The following JAM3 variants were observed in gnomAD, a reference collection of about 807,000 sequenced individuals.
JAM3 encodes junctional adhesion molecule C.
In JAM3, 31 loss-of-function variants were observed where a neutral mutation model predicts 39.4. The observed-to-expected ratio is 0.79, with a 90% CI of 0.59 to 1.06. The LOEUF is 1.06. JAM3 is among the 50% of genes least tolerant of loss of function. JAM3 has a pLI of 0.00. For synonymous variants in JAM3, 182 were observed against 148.7 expected (o/e 1.22, Z -1.63); for missense variants, 455 against 391.4 (o/e 1.16, Z -1.37).
chr11:134,138,356 G>A (rs1329501862), intron 1 of JAM3, among the ~76,000 whole-genome samples: 1 of 145,856 alleles, frequency 6.9e-6, no homozygotes, highest in African/African-American at 2.7e-5. Flanking sequence ...TGAGAGAAAT[G>A]TTTATGGCCA....
intron 1 of JAM3, among the ~76,000 whole-genome samples, chr11:134,121,566 C>G (rs1942532691): frequency 6.6e-6 from 1 of 151,944 alleles, no homozygotes; most frequent in African/African-American, 2.4e-5. Context: ...CCTTTCAAAT[C>G]ATTCTGACAT....
At chr11:134,100,923 G>A (rs1296660161) in intron 1 of JAM3, among the ~76,000 whole-genome samples, 1 of 152,164 alleles carries the variant, frequency 6.6e-6, no homozygotes, top group South Asian at 2.1e-4. Context: ...GAGTAAAAAA[G>A]TGAATGAAGT....
chr11:134,150,913 C>G lies in JAM3; in HGVS notation c.*1732C>G, dbSNP rs570589863. On this transcript the variant is annotated 3_prime_UTR_variant, in exon 9 of 9. Coordinates refer to ENST00000299106, the MANE Select transcript of JAM3 (RefSeq NM_032801.5). ...GGGGAGGAAAGTGAAACGCCTGAAT[C>G]AAAAGCAGTTTTCTAATTTTGACTT... 1.3e-5 allele frequency: 2 copies of G among 152,312 alleles called. No individual in the cohort carries two copies. Among genetic ancestry groups the G allele is most frequent in the Admixed American group, 6.5e-5 (1 of 15,302 alleles). The allele number at this position is 152,312 out of a possible 1,614,324, so 9.4% of individuals were successfully genotyped here. A position where few individuals can be genotyped will look rare whatever the true frequency, so the allele number is the denominator to read the frequency against.
intron 1 of JAM3, among the ~76,000 whole-genome samples, chr11:134,076,731 C>T (rs574223144): frequency 4.0e-5 from 6 of 151,776 alleles, no homozygotes; most frequent in Non-Finnish European, 7.4e-5. Flanking sequence ...TTTTTAGAGA[C>T]GAGGTCTCAC....
At chr11:134,106,192 A>C (rs1326734822) in intron 1 of JAM3, among the ~76,000 whole-genome samples, 4 of 152,134 alleles carry the variant, frequency 2.6e-5, no homozygotes, top group Non-Finnish European at 5.9e-5. Flanking sequence ...AAATAATACC[A>C]CACATCTACA....
intron 1 of JAM3, among the ~76,000 whole-genome samples, chr11:134,134,467 T>C (rs1027743501): frequency 1.4e-4 from 12 of 83,844 alleles, no homozygotes; most frequent in African/African-American, 5.6e-4. Flanking sequence ...CAAAGATAAA[T>C]AAAACATAAG....
intron 1 of JAM3, among the ~76,000 whole-genome samples, chr11:134,095,742 A>G (rs933230982): frequency 6.6e-6 from 1 of 152,214 alleles, no homozygotes; most frequent in Non-Finnish European, 1.5e-5. Context: ...GTGTGCTGTT[A>G]ACTTGCTACA....
chr11:134,113,198 G>T (rs1383428511), intron 1 of JAM3, among the ~76,000 whole-genome samples: 1 of 129,990 alleles, frequency 7.7e-6, no homozygotes, highest in Non-Finnish European at 1.6e-5. Flanking sequence ...TGGACTGTCT[G>T]GTTTTTTTTT....
chr11:134,095,374 A>G (rs555241653), intron 1 of JAM3, among the ~76,000 whole-genome samples: 10 of 152,246 alleles, frequency 6.6e-5, no homozygotes, highest in African/African-American at 2.2e-4. Flanking sequence ...GCTCACGCCT[A>G]TAATCCCAGC....
chr11:134,124,048 C>A (rs767867939), intron 1 of JAM3: 158 of 1,442,244 alleles, frequency 1.1e-4, no homozygotes, highest in Non-Finnish European at 1.4e-4. Context: ...ACACAGCCAC[C>A]TGGCTCTTCA....
Position 134,123,688 on chromosome 11 carries a change from C to G in JAM3, c.77-16163C>G, listed in dbSNP as rs1447149713. ...CTTTTTTGTTTGCTTTTGTTCCAAT[C>G]ATGAGGAGAGTGGTTGAGGAGTAGT... On this transcript the variant is annotated intron_variant, in intron 1 of 8. Transcript: ENST00000299106. 9.1e-6 allele frequency: 4 copies of G among 439,118 alleles called. No individual in the cohort carries two copies. The East Asian group carries it at 1.7e-4, about 19-fold the overall frequency. 27.2% of individuals were successfully genotyped at this position (439,118 alleles called of 1,614,324 possible).
In JAM3 at chr11:134,151,833, A is replaced by C. The variant is rs1943247009; in HGVS notation, c.*2652A>C. On this transcript the variant is annotated 3_prime_UTR_variant, in exon 9 of 9. Transcript: ENST00000299106. The stretch of plus-strand genomic sequence containing the variant: ...AGCATTTCAGTGGTTAGGCATGCAC[A>C]CTAAAAATGCTATCAATCACCCATC... The C allele has an allele frequency of 2.1e-5, 3 of 143,596 alleles. No individual in the cohort carries two copies. 8.9% of individuals were successfully genotyped at this position (143,596 alleles called of 1,614,324 possible). A position where few individuals can be genotyped will look rare whatever the true frequency, so the allele number is the denominator to read the frequency against.
Position 134,076,434 on chromosome 11 carries a change from G to A in JAM3, c.76+7275G>A, listed in dbSNP as rs905220280. ...CCTCCCAAAGTGCTGGATCACAGGT[G>A]TGAGCCACCGCACCTGGCTTACTCC... is the stretch of plus-strand genomic sequence containing the variant. On this transcript the variant is annotated intron_variant, in intron 1 of 8. Coordinates refer to ENST00000299106, the MANE Select transcript of JAM3 (RefSeq NM_032801.5). 3.3e-5 allele frequency among the ~76,000 whole-genome samples: 5 copies of A among 152,248 alleles called. No homozygotes were observed. In the South Asian group the frequency reaches 1.0e-3, roughly 32 times the overall value.
At chr11:134,119,294 G>A (rs1330814821) in intron 1 of JAM3, among the ~76,000 whole-genome samples, 1 of 152,186 alleles carries the variant, frequency 6.6e-6, no homozygotes, top group Admixed American at 6.5e-5. Context: ...TACACTCAAA[G>A]AAATAGCACC....
At chr11:134,094,426 G>A (rs150938117) in intron 1 of JAM3, among the ~76,000 whole-genome samples, 1 of 135,600 alleles carries the variant, frequency 7.4e-6, no homozygotes, top group Non-Finnish European at 1.6e-5. Context: ...GTGACTTCCT[G>A]AGGAAAGCTT....
intron 1 of JAM3, among the ~76,000 whole-genome samples, chr11:134,090,085 C>G (rs373418598): frequency 2.3e-5 from 3 of 132,546 alleles, no homozygotes; most frequent in Non-Finnish European, 3.5e-5. Flanking sequence ...TTTCATGTGT[C>G]TTTTGGCTGC....
At chr11:134,142,424 A>T (rs1361277140) in intron 3 of JAM3, among the ~76,000 whole-genome samples, 1 of 152,182 alleles carries the variant, frequency 6.6e-6, no homozygotes, top group Non-Finnish European at 1.5e-5. Context: ...TCTGTGCTCC[A>T]TCGGAAGCAT....
chr11:134,148,218 A>G (rs1943114728), intron 6 of JAM3: 2 of 373,088 alleles, frequency 5.4e-6, no homozygotes, highest in Non-Finnish European at 1.0e-5. Context: ...TCTTGTCCTC[A>G]TAACCATTTC....
rs1332646800 is a variant in JAM3 at position 134,150,177 on chromosome 11, G to C, written c.*996G>C. On this transcript the variant is annotated 3_prime_UTR_variant, in exon 9 of 9. Coordinates refer to ENST00000299106, the MANE Select transcript of JAM3 (RefSeq NM_032801.5). ...ACAAGTTTTAGCCTTTTTCACAAGG[G>C]AACTCATACTGTCTACACATCAGAC... 1.3e-5 allele frequency: 2 copies of C among 153,562 alleles called. No homozygotes were observed. The highest frequency in any genetic ancestry group is 4.8e-5 in the African/African-American group (2 of 41,430). 9.5% of individuals were successfully genotyped at this position (153,562 alleles called of 1,614,324 possible).
Sources: gnomAD v4.1 joint callset for allele counts (sites outside exome capture counted in the v4.1 genomes callset) on GRCh38, gnomAD v4.1.1 for gene constraint, MANE v1.5 for transcripts, NCBI Gene and HGNC (gene_info 2026-07-23, HGNC 2026-07-21) for gene names.